Variants in PHF3 observed in about 807,000 individuals in gnomAD.
PHF3 encodes PHD finger protein 3.
In PHF3, 41 loss-of-function variants were observed where a neutral mutation model predicts 178.4. The ratio of observed to expected loss-of-function variants is 0.23; its 90% CI spans 0.18 to 0.30. The LOEUF is 0.30. Ranked by LOEUF, PHF3 falls within the 10% of genes least tolerant of loss-of-function variation. The pLI, the probability that PHF3 is intolerant of heterozygous loss-of-function variation, is 1.00. For synonymous variants in PHF3, 842 were observed against 800.5 expected (o/e 1.05, Z -0.88); for missense variants, 2,346 against 2,398.1 (o/e 0.98, Z 0.45).
rs996618087 is a variant in PHF3 at position 63,694,479 on chromosome 6, G to A, written c.2497-102G>A. 63 of 795,132 alleles carry A rather than the reference G, an allele frequency of 7.9e-5. No homozygotes were observed. The African/African-American group carries it at 1.1e-3, about 14-fold the overall frequency. 49.3% of individuals were successfully genotyped at this position (795,132 alleles called of 1,614,324 possible). ...CAGAATAGATTTCGAATGAAAGAGT[G>A]AATCTCATTTTACTAATAATCAAGA... On this transcript the variant is annotated intron_variant, in intron 5 of 15. Coordinates refer to ENST00000262043, the MANE Select transcript of PHF3 (RefSeq NM_001370348.2).
intron 8 of PHF3, among the ~76,000 whole-genome samples, chr6:63,699,314 A>T (rs1045838483): frequency 6.6e-5 from 10 of 152,204 alleles, no homozygotes; most frequent in Non-Finnish European, 2.9e-5. Flanking sequence ...TGTGACATTT[A>T]CCTAGGTCCA....
chr6:63,676,917 A>C (rs536243343), intron 2 of PHF3, among the ~76,000 whole-genome samples: 1 of 152,146 alleles, frequency 6.6e-6, no homozygotes, highest in African/African-American at 2.4e-5. Context: ...TGTGTGATAC[A>C]TTTTGAAGAT....
intron 2 of PHF3, among the ~76,000 whole-genome samples, chr6:63,669,316 A>G (rs1356906792): frequency 6.6e-6 from 1 of 152,210 alleles, no homozygotes; most frequent in African/African-American, 2.4e-5. Context: ...CAGTGATTGT[A>G]TTATTACTTA....
In PHF3 at chr6:63,721,155, A is replaced by C. The variant is rs1305825599; in HGVS notation, c.*7447A>C. On this transcript the variant is annotated 3_prime_UTR_variant, in exon 16 of 16. Coordinates refer to ENST00000262043, the MANE Select transcript of PHF3 (RefSeq NM_001370348.2). Reference sequence around the variant, plus strand: ...GTATTTAATGTAAGAATTACCCATAAATTTTGCAGTTGAAAATGAAGTTTT... The same window carrying C: ...GTATTTAATGTAAGAATTACCCATACATTTTGCAGTTGAAAATGAAGTTTT... 1 of 1,551,600 alleles carries C rather than the reference A, an allele frequency of 6.4e-7. No homozygotes were observed. Among genetic ancestry groups the C allele is most frequent in the African/African-American group, 1.4e-5 (1 of 73,172 alleles).
chr6:63,670,776 C>A (rs1429178348), intron 2 of PHF3, among the ~76,000 whole-genome samples: 1 of 152,136 alleles, frequency 6.6e-6, no homozygotes, highest in East Asian at 1.9e-4. Context: ...ACTAGTGATA[C>A]ATCAGAAAAC....
chr6:63,645,263 A>G (rs191153381), intron 1 of PHF3, among the ~76,000 whole-genome samples: 1 of 152,268 alleles, frequency 6.6e-6, no homozygotes, highest in East Asian at 1.9e-4. Flanking sequence ...ACTAATGGGT[A>G]TGGGCTGTGG....
At chr6:63,657,690 T>C (rs1765296992) in intron 2 of PHF3, among the ~76,000 whole-genome samples, 1 of 152,132 alleles carries the variant, frequency 6.6e-6, no homozygotes, top group African/African-American at 2.4e-5. Context: ...AGAAAATCGA[T>C]GTATAAGTGG....
intron 2 of PHF3, among the ~76,000 whole-genome samples, chr6:63,673,174 A>G (rs1387571422): frequency 6.6e-6 from 1 of 152,138 alleles, no homozygotes; most frequent in Non-Finnish European, 1.5e-5. Context: ...TAACACTTTA[A>G]CATGGCTAAC....
Position 63,721,826 on chromosome 6 carries a change from T to G in PHF3, c.*8118T>G. 1.3e-6 allele frequency: 2 copies of G among 1,517,900 alleles called. No homozygotes were observed. Among genetic ancestry groups the G allele is most frequent in the Non-Finnish European group, 1.8e-6 (2 of 1,132,486 alleles). 94.0% of individuals were successfully genotyped at this position (1,517,900 alleles called of 1,614,324 possible). Reference sequence around the variant, plus strand: ...CAAGAAAGCAAACAGTAAGTTTGATTAGCAACAGTAAAAGTTTCCATTGAA... The same window carrying G: ...CAAGAAAGCAAACAGTAAGTTTGATGAGCAACAGTAAAAGTTTCCATTGAA... On this transcript the variant is annotated 3_prime_UTR_variant, in exon 16 of 16. Coordinates refer to ENST00000262043, the MANE Select transcript of PHF3 (RefSeq NM_001370348.2).
intron 4 of PHF3, among the ~76,000 whole-genome samples, chr6:63,690,050 G>A (rs771152657): frequency 6.6e-6 from 1 of 152,006 alleles, no homozygotes; most frequent in African/African-American, 2.4e-5. Flanking sequence ...TAATATTTTA[G>A]CTTTGCAACT....
chr6:63,695,386 G>A lies in PHF3; in HGVS notation c.2680+622G>A, dbSNP rs61369380. Among the ~76,000 whole-genome samples the A allele has an allele frequency of 9.0e-3, 1,370 of 152,246 alleles. 20 individuals carry two copies. The highest frequency in any genetic ancestry group is 0.031 in the African/African-American group (1,271 of 41,532). ...CTGAGTATATGTCTATCTGTATAGC[G>A]TTCCTCTCCCTGTCTTTCAGGAACA... On this transcript the variant is annotated intron_variant, in intron 6 of 15. Transcript: ENST00000262043.
chr6:63,712,978 C>T lies in PHF3; in HGVS notation c.5390C>T (p.Pro1797Leu). 1.2e-6 allele frequency: 2 copies of T among 1,614,020 alleles called. No homozygotes were observed. The highest frequency in any genetic ancestry group is 1.7e-4 in the Middle Eastern group (1 of 6,058). Residue 1797 changes from proline (P) to leucine (L), a missense_variant, in exon 16 of 16, where the codon CCC becomes CTC. By Grantham distance (98) the Pro-to-Leu change is moderately conservative. This residue lies in a region of PHF3 where 839 missense variants were observed against 806.9 expected (regional missense o/e 1.04). Transcript: ENST00000262043. The stretch of plus-strand genomic sequence containing the variant: ...CCCAGAACAAGTACAAACTTTTCAC[C>T]CATGAGGCCACAGCAGCCCAACCTT... Reference protein sequence around the residue: ...TSPRTSTNFSPMRPQQPNLQH... With the variant: ...TSPRTSTNFSLMRPQQPNLQH...
chr6:63,711,776 T>G lies in PHF3; in HGVS notation c.4188T>G (p.Asn1396Lys). The G allele has an allele frequency of 6.2e-7, 1 of 1,612,882 alleles. No individual in the cohort carries two copies. The highest frequency in any genetic ancestry group is 8.5e-7 in the Non-Finnish European group (1 of 1,179,692). ...CAGAAGAAGCACCAGAGGAAGAAAA[T>G]GACTTTTTTAATTCTTTTACAACTG... Reference protein sequence around the residue: ...VSTEEAPEEENDFFNSFTTVL... With the variant: ...VSTEEAPEEEKDFFNSFTTVL... Residue 1396 changes from asparagine to lysine, a missense_variant, in exon 16 of 16, where the codon AAT (asparagine) becomes AAG (lysine). This residue lies in a region of PHF3 where 839 missense variants were observed against 806.9 expected (regional missense o/e 1.04). Coordinates refer to ENST00000262043, the MANE Select transcript of PHF3 (RefSeq NM_001370348.2).
At position 63,712,588 on chromosome 6, in the gene PHF3, G is replaced by C. The variant is rs1767998494; in HGVS notation, c.5000G>C (p.Ser1667Thr). Residue 1667 changes from serine (S) to threonine (T), a missense_variant, in exon 16 of 16, where the codon AGC (serine) becomes ACC (threonine). Transcript: ENST00000262043. Reference protein sequence around the residue: ...GRSQPVTTSESKDGDSCRNGE... With the variant: ...GRSQPVTTSETKDGDSCRNGE... ...AGTCAGCCTGTAACTACTTCAGAAA[G>C]CAAAGATGGAGATAGTTGCCGGAAT... 1 of 1,613,926 alleles carries C rather than the reference G, an allele frequency of 6.2e-7. No homozygotes were observed. The highest frequency in any genetic ancestry group is 8.5e-7 in the Non-Finnish European group (1 of 1,179,928).
Position 63,720,508 on chromosome 6 carries a change from T to C in PHF3, c.*6800T>C. ...CTATTTCAGGTAATATAGTAAACAG[T>C]TGATTCCCCGTAAGCAATGTATCAA... is the stretch of plus-strand genomic sequence containing the variant. On this transcript the variant is annotated 3_prime_UTR_variant, in exon 16 of 16. Coordinates refer to ENST00000262043, the MANE Select transcript of PHF3 (RefSeq NM_001370348.2). 2 of 957,734 alleles carry C rather than the reference T, an allele frequency of 2.1e-6. No individual in the cohort carries two copies. The highest frequency in any genetic ancestry group is 3.0e-6 in the Non-Finnish European group (2 of 665,942). 59.3% of individuals were successfully genotyped at this position (957,734 alleles called of 1,614,324 possible).
chr6:63,659,665 T>C (rs1028204745), intron 2 of PHF3, among the ~76,000 whole-genome samples: 1 of 152,198 alleles, frequency 6.6e-6, no homozygotes, highest in African/African-American at 2.4e-5. Context: ...TTTTATTTTT[T>C]GGTATTTGCA....
chr6:63,664,873 G>T (rs562203040), intron 2 of PHF3, among the ~76,000 whole-genome samples: 1 of 151,876 alleles, frequency 6.6e-6, no homozygotes, highest in African/African-American at 2.4e-5. Context: ...TACAATAATA[G>T]AAATTTATTG....
At chr6:63,639,297 A>G (rs1185381144) in intron 1 of PHF3, among the ~76,000 whole-genome samples, 1 of 152,202 alleles carries the variant, frequency 6.6e-6, no homozygotes, top group Non-Finnish European at 1.5e-5. Flanking sequence ...CTGAACTTTA[A>G]CATTTTAATT....
At position 63,698,480 on chromosome 6, in the gene PHF3, GA is replaced by G; in HGVS notation, c.2861del (p.Lys954ArgfsTer31). 6.2e-7 allele frequency: 1 copy of G among 1,601,216 alleles called. No individual in the cohort carries two copies. The highest frequency in any genetic ancestry group is 8.5e-7 in the Non-Finnish European group (1 of 1,175,634). ...AGACTCAAATTTGAAGGTACCAGAG[GA>G]AAAGGCAGCAAAAGTTGCCACAAAA... The part of the protein sequence containing the change: ...LTDSNLKVPE[E>X]KAAKVATKIE... On this transcript the variant is annotated frameshift_variant, in exon 8 of 16. Coordinates refer to ENST00000262043, the MANE Select transcript of PHF3 (RefSeq NM_001370348.2). LOFTEE classifies it high-confidence loss of function.
Sources: gnomAD v4.1 joint callset for allele counts (sites outside exome capture counted in the v4.1 genomes callset) on GRCh38, gnomAD v4.1.1 for gene constraint, gnomAD v4.1.1 regional missense constraint, MANE v1.5 for transcripts, NCBI Gene and HGNC (gene_info 2026-07-23, HGNC 2026-07-21) for gene names.